Variants in PARD3B observed in about 807,000 individuals in gnomAD.
PARD3B encodes the protein partitioning defective 3 homolog B.
In PARD3B, 103 loss-of-function variants were observed where a neutral mutation model predicts 130.2. The observed-to-expected ratio is 0.79, with a 90% CI of 0.67 to 0.93. The LOEUF is 0.93. PARD3B is among the 40% of genes least tolerant of loss of function. The pLI is 0.00. For missense variants in PARD3B, 1,609 were observed against 1,499.2 expected, an observed-to-expected ratio of 1.07 and a Z score of -1.21; for synonymous variants, 583 against 553.2, an observed-to-expected ratio of 1.05 and a Z score of -0.76.
At chr2:204,644,371 G>T (rs922637894) in intron 1 of PARD3B, among the ~76,000 whole-genome samples, 1 of 152,132 alleles carries the variant, frequency 6.6e-6, no homozygotes, top group Admixed American at 6.5e-5. Flanking sequence ...GTCTATCTTT[G>T]TGTGTGGGTG....
Position 205,144,327 on chromosome 2 carries a change from G to A in PARD3B, c.1435-14395G>A, listed in dbSNP as rs2033192078. Among the ~76,000 whole-genome samples, 4 of 152,282 alleles carry A rather than the reference G, an allele frequency of 2.6e-5. No individual in the cohort carries two copies. The East Asian group carries it at 5.8e-4, about 22-fold the overall frequency. ...ATATCAGCCAAACCTCAGCCAACCT[G>A]TAGATATATGAGCCAGCTATAAATG... On this transcript the variant is annotated intron_variant, in intron 10 of 22. Transcript: ENST00000406610.
intron 13 of PARD3B, among the ~76,000 whole-genome samples, chr2:205,182,687 G>C (rs1367666411): frequency 6.6e-6 from 1 of 152,170 alleles, no homozygotes; most frequent in Non-Finnish European, 1.5e-5. Context: ...TTAAGTAATA[G>C]ATAAACCTAA....
intron 2 of PARD3B, among the ~76,000 whole-genome samples, chr2:204,913,047 A>T (rs559471285): frequency 6.6e-6 from 1 of 152,352 alleles, no homozygotes; most frequent in Non-Finnish European, 1.5e-5. Context: ...GAATTTTCAA[A>T]TGTTTAACTT....
At chr2:204,847,231 G>C (rs146173013) in intron 2 of PARD3B, among the ~76,000 whole-genome samples, 2,189 of 143,772 alleles carry the variant, frequency 0.015, 153 homozygotes, top group Admixed American at 0.13. Flanking sequence ...AGTAGCTGCT[G>C]TCCTCTATTG....
chr2:205,048,693 A>G (rs1411409096), intron 4 of PARD3B: 1 of 152,190 alleles, frequency 6.6e-6, no homozygotes. Context: ...CTTATCAAGA[A>G]CCAATGTCAA....
chr2:205,060,011 G>A (rs1699975081), intron 4 of PARD3B, among the ~76,000 whole-genome samples: 1 of 152,002 alleles, frequency 6.6e-6, no homozygotes, highest in African/African-American at 2.4e-5. Flanking sequence ...AGGCTCAAAC[G>A]AGTTAACTTA....
intron 11 of PARD3B, among the ~76,000 whole-genome samples, chr2:205,166,818 C>A (rs2034847161): frequency 6.6e-6 from 1 of 152,154 alleles, no homozygotes; most frequent in Non-Finnish European, 1.5e-5. Flanking sequence ...GCTCTGCAAC[C>A]TGAAGTCAAG....
intron 3 of PARD3B, among the ~76,000 whole-genome samples, chr2:204,975,090 A>T (rs141040420): frequency 2.2e-4 from 34 of 152,262 alleles, no homozygotes; most frequent in Non-Finnish European, 4.6e-4. Context: ...ATCAAACCTT[A>T]TACTGAAGAT....
chr2:205,208,444 T>C lies in PARD3B; in HGVS notation c.2140+15124T>C, dbSNP rs967151531. Among the ~76,000 whole-genome samples the C allele has an allele frequency of 5.9e-4, 85 of 144,934 alleles. 1 individual carries two copies. The highest frequency in any genetic ancestry group is 1.9e-3 in the African/African-American group (72 of 37,182). ...AAGTCAAATTGTCCCTGTTTGCAGA[T>C]GACATGATCGTATATCTAGAAAACC... On this transcript the variant is annotated intron_variant, in intron 15 of 22. Coordinates refer to ENST00000406610, the MANE Select transcript of PARD3B (RefSeq NM_001302769.2).
At chr2:204,802,121 C>T (rs2042591999) in intron 2 of PARD3B, among the ~76,000 whole-genome samples, 1 of 151,916 alleles carries the variant, frequency 6.6e-6, no homozygotes, top group South Asian at 2.1e-4. Flanking sequence ...ATTTTATAAT[C>T]TACGAGGAAC....
chr2:205,110,716 T>A (rs1463404873), intron 5 of PARD3B, among the ~76,000 whole-genome samples: 1 of 151,916 alleles, frequency 6.6e-6, no homozygotes, highest in Non-Finnish European at 1.5e-5. Context: ...TTTTCTGTAT[T>A]TTCCATTTTA....
chr2:204,758,119 C>G (rs545363003), intron 2 of PARD3B, among the ~76,000 whole-genome samples: 2 of 152,156 alleles, frequency 1.3e-5, no homozygotes, highest in Non-Finnish European at 2.9e-5. Context: ...TGGTTTTCCT[C>G]CATGTGGCAG....
chr2:205,200,588 CA>C (rs2036934664), intron 15 of PARD3B, among the ~76,000 whole-genome samples: 1 of 152,152 alleles, frequency 6.6e-6, no homozygotes. Context: ...TGCATTCATT[CA>C]ACAAGGATTT....
chr2:204,669,163 C>T lies in PARD3B; in HGVS notation c.121-17018C>T, dbSNP rs115670370. Among the ~76,000 whole-genome samples the T allele has an allele frequency of 2.7e-3, 406 of 152,100 alleles. 3 individuals are homozygous for T. The highest frequency in any genetic ancestry group is 8.8e-3 in the African/African-American group (366 of 41,490). ...ACTAAGTTGGTAGGTAATTTGTAAC[C>T]GGAGAAATAGGAAACCAGTAGAACC... On this transcript the variant is annotated intron_variant, in intron 1 of 22. Transcript: ENST00000406610. The surrounding 1 kb of genome is among the most constrained non-coding windows in gnomAD (Gnocchi z 4.3).
chr2:205,535,112 T>C (rs1357805444), intron 21 of PARD3B, among the ~76,000 whole-genome samples: 1 of 152,194 alleles, frequency 6.6e-6, no homozygotes, highest in Non-Finnish European at 1.5e-5. Flanking sequence ...TAATCAAATC[T>C]GCTCTGCCCC....
At chr2:205,046,333 G>A (rs1698776987) in intron 3 of PARD3B, among the ~76,000 whole-genome samples, 1 of 151,838 alleles carries the variant, frequency 6.6e-6, no homozygotes, top group African/African-American at 2.4e-5. Flanking sequence ...GTTAAGAAAT[G>A]TTTGGGATGG....
intron 3 of PARD3B, among the ~76,000 whole-genome samples, chr2:205,005,340 A>G (rs928705956): frequency 1.2e-4 from 18 of 152,224 alleles, no homozygotes; most frequent in African/African-American, 4.3e-4. Context: ...GGTTGGTATG[A>G]AAGAATTTGA....
At chr2:204,746,820 A>C (rs1187448969) in intron 2 of PARD3B, among the ~76,000 whole-genome samples, 1 of 151,892 alleles carries the variant, frequency 6.6e-6, no homozygotes, top group Admixed American at 6.6e-5. Flanking sequence ...CCACTTTGTG[A>C]TGGGGTTGTT....
intron 2 of PARD3B, among the ~76,000 whole-genome samples, chr2:204,873,115 A>T (rs1335526893): frequency 6.6e-6 from 1 of 152,208 alleles, no homozygotes; most frequent in Non-Finnish European, 1.5e-5. Context: ...AGATACATAG[A>T]TAGAGGTGTT....
Sources: gnomAD v4.1 joint callset for allele counts (sites outside exome capture counted in the v4.1 genomes callset) on GRCh38, gnomAD v4.1.1 for gene constraint, Gnocchi (gnomAD v3.1) non-coding constraint, MANE v1.5 for transcripts, NCBI Gene and HGNC (gene_info 2026-07-23, HGNC 2026-07-21) for gene names.